The following ARHGAP39 variants were observed in gnomAD, a reference collection of about 807,000 sequenced individuals.
ARHGAP39 encodes rho GTPase-activating protein 39.
In ARHGAP39, 44 loss-of-function variants were observed where a neutral mutation model predicts 106.9. The ratio of observed to expected loss-of-function variants is 0.41; its 90% CI spans 0.32 to 0.53. The LOEUF is 0.53. Among genes scored for constraint, ARHGAP39 ranks in the 20% least tolerant of loss-of-function variants. The pLI is 0.21. For missense variants in ARHGAP39, 1,496 were observed against 1,577.3 expected (o/e 0.95, Z 0.87); for synonymous variants, 768 against 693.2 (o/e 1.11, Z -1.69).
At chr8:144,694,329 T>G in the ARHGAP39 span, among the ~76,000 whole-genome samples, 1 of 151,750 alleles carries the variant, frequency 6.6e-6, no homozygotes, top group South Asian at 2.1e-4. Flanking sequence ...CACCAAGAGG[T>G]TGGGTAATGA....
intron 3 of ARHGAP39, among the ~76,000 whole-genome samples, chr8:144,562,063 C>T (rs901932895): frequency 6.8e-5 from 10 of 147,050 alleles, no homozygotes; most frequent in Non-Finnish European, 1.5e-4. Context: ...TGGTTTCCAT[C>T]GGACTTACTC....
At chr8:144,557,041 C>A (rs1817952124) in intron 3 of ARHGAP39, among the ~76,000 whole-genome samples, 1 of 145,440 alleles carries the variant, frequency 6.9e-6, no homozygotes, top group Non-Finnish European at 1.5e-5. Flanking sequence ...AAGGCTGAAC[C>A]TTCATAGTAT....
intron 1 of ARHGAP39, among the ~76,000 whole-genome samples, chr8:144,673,167 A>G (rs1247661409): frequency 6.6e-6 from 1 of 151,584 alleles, no homozygotes; most frequent in African/African-American, 2.4e-5. Context: ...CAGTGAGCAG[A>G]TATCATGCCA....
intron 2 of ARHGAP39, among the ~76,000 whole-genome samples, chr8:144,600,604 T>G (rs372100360): frequency 1.4e-3 from 155 of 109,776 alleles, no homozygotes; most frequent in African/African-American, 4.7e-3. Context: ...GTGTGCGTGT[T>G]CGTGGAGGCG....
intron 1 of ARHGAP39, among the ~76,000 whole-genome samples, chr8:144,624,476 C>T (rs914492680): frequency 3.3e-5 from 5 of 152,262 alleles, no homozygotes; most frequent in Admixed American, 2.6e-4. Context: ...GAAGACTCGC[C>T]TGTGTGGCAA....
Position 144,547,412 on chromosome 8 carries a change from C to A in ARHGAP39, c.1674G>T (p.Arg558=). 6.3e-7 allele frequency: 1 copy of A among 1,591,040 alleles called. No individual in the cohort carries two copies. The change falls in exon 5 of 12, where the codon CGG becomes CGT. Residue 558 remains arginine (R), a synonymous_variant. Transcript: ENST00000377307. The surrounding 1 kb of genome is among the most constrained non-coding windows in gnomAD (Gnocchi z 5.2). ...GGGCCTGCTGCGCCTCCCAGGCCAGCCGAGCCTGCGCCAGGAAGGGCTCGG... is the reference window on the plus strand; with the variant it reads ...GGGCCTGCTGCGCCTCCCAGGCCAGACGAGCCTGCGCCAGGAAGGGCTCGG... ...GAAEPFLAQA[R]LAWEAQQAHF...
rs1822572775 is a variant in ARHGAP39, at chr8:144,685,745, G to A, written c.-141C>T. On this transcript the variant is annotated 5_prime_UTR_variant, in exon 1 of 12. The change creates a new upstream start codon in the 5' untranslated region. Transcript: ENST00000377307. ...CCTCATCCCGGCCCGCGCGACGCGCGTGAGCCAGCCGCCGCTCCCCGGCCT... is the reference window on the plus strand; with the variant it reads ...CCTCATCCCGGCCCGCGCGACGCGCATGAGCCAGCCGCCGCTCCCCGGCCT... Among the ~76,000 whole-genome samples the A allele has an allele frequency of 6.8e-6, 1 of 147,498 alleles. No individual in the cohort carries two copies. The highest frequency in any genetic ancestry group is 2.4e-5 in the African/African-American group (1 of 40,908).
Position 144,670,351 on chromosome 8 carries a change from C to T in ARHGAP39, c.-82+15335G>A, listed in dbSNP as rs1232789751. Among the ~76,000 whole-genome samples, 2 of 152,232 alleles carry T rather than the reference C, an allele frequency of 1.3e-5. No individual in the cohort carries two copies. Among genetic ancestry groups the T allele is most frequent in the Admixed American group, 6.5e-5 (1 of 15,290 alleles). ...GGAGGCTGTGCCCGGGTTCACCACA[C>T]TGCTCCATCACCCTCCTCACCGGGC... is the stretch of plus-strand genomic sequence containing the variant. On this transcript the variant is annotated intron_variant, in intron 1 of 11. Coordinates refer to ENST00000377307, the MANE Select transcript of ARHGAP39 (RefSeq NM_025251.3). The surrounding 1 kb of genome is among the most constrained non-coding windows in gnomAD (Gnocchi z 4.4).
At chr8:144,562,408 TCCAGTGGTTTCCATCGGACC>T (rs1586909018) in intron 3 of ARHGAP39, among the ~76,000 whole-genome samples, 5 of 150,562 alleles carry the variant, frequency 3.3e-5, no homozygotes, top group East Asian at 4.0e-4. Context: ...TCCATCGCGC[TCCAGTGGTTTCCATCGGACC>T]CCAGTGGTTT....
chr8:144,660,177 C>G (rs1412526081), intron 1 of ARHGAP39, among the ~76,000 whole-genome samples: 1 of 152,174 alleles, frequency 6.6e-6, no homozygotes, highest in Non-Finnish European at 1.5e-5. Context: ...CCTAGGTCTC[C>G]ACCACTGTCC....
At position 144,607,069 on chromosome 8, in the gene ARHGAP39, T is replaced by C. The variant is rs1171450303; in HGVS notation, c.-81-1374A>G. On this transcript the variant is annotated intron_variant, in intron 1 of 11. Coordinates refer to ENST00000377307, the MANE Select transcript of ARHGAP39 (RefSeq NM_025251.3). ...AGAGAACATGTGTAATGTGTGTGTG[T>C]AATCTGACAAAGGGCCACATCAGAC... 2.7e-5 allele frequency among the ~76,000 whole-genome samples: 4 copies of C among 149,966 alleles called. No individual in the cohort carries two copies. The East Asian group carries it at 5.8e-4, about 22-fold the overall frequency.
chr8:144,692,581 C>G, the ARHGAP39 span, among the ~76,000 whole-genome samples: 38 of 152,270 alleles, frequency 2.5e-4, no homozygotes, highest in African/African-American at 8.7e-4. Context: ...TCAATGGGGG[C>G]TGTGGACCGG....
intron 1 of ARHGAP39, among the ~76,000 whole-genome samples, chr8:144,677,463 A>G (rs1822272078): frequency 6.6e-6 from 1 of 152,258 alleles, no homozygotes; most frequent in Non-Finnish European, 1.5e-5. Flanking sequence ...TGATTGAAGA[A>G]AGAGATGCTA....
the ARHGAP39 span, among the ~76,000 whole-genome samples, chr8:144,692,781 C>T: frequency 2.9e-5 from 3 of 101,872 alleles, no homozygotes; most frequent in Non-Finnish European, 5.4e-5. Context: ...TTTGGTGAGA[C>T]GGAGATTTAC....
intron 1 of ARHGAP39, among the ~76,000 whole-genome samples, chr8:144,681,034 G>A (rs1822403942): frequency 6.6e-6 from 1 of 152,170 alleles, no homozygotes; most frequent in Non-Finnish European, 1.5e-5. Flanking sequence ...ACCAAACACA[G>A]CAGAAGTGGC....
Position 144,530,816 on chromosome 8 carries a change from C to T in ARHGAP39, c.3036G>A (p.Glu1012=). ...AGTGCGCGATGCACTGCTCGTAGAA[C>T]TCGTGCGGGATCAGGGGCTCCTCCA... is the stretch of plus-strand genomic sequence containing the variant. The part of the protein sequence containing the change: ...RELEEPLIPH[E]FYEQCIAHYD... The change falls in exon 11 of 12, where the codon GAG becomes GAA. Residue 1012 remains glutamate (E), a synonymous_variant. Transcript: ENST00000377307. 1.2e-6 allele frequency: 2 copies of T among 1,611,920 alleles called. No homozygotes were observed. Among genetic ancestry groups the T allele is most frequent in the Non-Finnish European group, 1.7e-6 (2 of 1,179,742 alleles).
chr8:144,577,634 G>A (rs921301203), intron 3 of ARHGAP39, among the ~76,000 whole-genome samples: 1 of 152,214 alleles, frequency 6.6e-6, no homozygotes, highest in Non-Finnish European at 1.5e-5. Context: ...AAATCCCAGA[G>A]ATTATAAACG....
intron 1 of ARHGAP39, among the ~76,000 whole-genome samples, chr8:144,668,959 G>A (rs1822028773): frequency 1.3e-5 from 2 of 152,084 alleles, no homozygotes; most frequent in African/African-American, 4.8e-5. Context: ...GCACGGGCAT[G>A]AGGACAGATA....
At chr8:144,602,090 CGT>C (rs200623745) in intron 2 of ARHGAP39, among the ~76,000 whole-genome samples, 29 of 124,062 alleles carry the variant, frequency 2.3e-4, no homozygotes, top group East Asian at 5.4e-4. Flanking sequence ...TGTGTGGAGG[CGT>C]GTGTGCTCGT....
Sources: gnomAD v4.1 joint callset for allele counts (sites outside exome capture counted in the v4.1 genomes callset) on GRCh38, gnomAD v4.1.1 for gene constraint, Gnocchi (gnomAD v3.1) non-coding constraint, MANE v1.5 for transcripts, NCBI Gene and HGNC (gene_info 2026-07-23, HGNC 2026-07-21) for gene names.